Variants in CFDP1 observed in about 807,000 individuals in gnomAD.
CFDP1 encodes the protein heterochromatin-stabilizing protein CFDP1.
A neutral mutation model predicts 40.1 loss-of-function variants in CFDP1; 31 were observed. The observed-to-expected ratio is 0.77, with a 90% CI of 0.58 to 1.04. The LOEUF is 1.04. CFDP1 is among the 50% of genes least tolerant of loss of function. The pLI is 0.00. For synonymous variants in CFDP1, 167 were observed against 120.0 expected (o/e 1.39, Z -2.56); for missense variants, 423 against 343.4 (o/e 1.23, Z -1.83).
chr16:75,351,777 G>T (rs1304082295), intron 5 of CFDP1, among the ~76,000 whole-genome samples: 1 of 152,080 alleles, frequency 6.6e-6, no homozygotes, highest in Non-Finnish European at 1.5e-5. Context: ...GGAGGCTGAG[G>T]GAGGTGGATC....
chr16:75,345,006 C>T (rs989056414), intron 5 of CFDP1, among the ~76,000 whole-genome samples: 7 of 152,026 alleles, frequency 4.6e-5, no homozygotes, highest in Admixed American at 4.6e-4. Context: ...TCTGTAATCA[C>T]AGCACCTTGA....
At chr16:75,341,904 G>T (rs945087903) in intron 5 of CFDP1, among the ~76,000 whole-genome samples, 2 of 152,142 alleles carry the variant, frequency 1.3e-5, no homozygotes, top group African/African-American at 2.4e-5. Context: ...TAGGTCTTTC[G>T]ACTCTGTTCT....
intron 5 of CFDP1, among the ~76,000 whole-genome samples, chr16:75,314,757 T>C (rs1486242638): frequency 2.0e-5 from 3 of 152,198 alleles, no homozygotes; most frequent in East Asian, 3.8e-4. Flanking sequence ...TTTTATTTTA[T>C]AAATTTATTT....
intron 5 of CFDP1, among the ~76,000 whole-genome samples, chr16:75,328,786 C>A (rs1193963400): frequency 6.6e-6 from 1 of 150,578 alleles, no homozygotes; most frequent in Non-Finnish European, 1.5e-5. Context: ...TCAAGCAATT[C>A]TCCTGCCTCA....
intron 5 of CFDP1, among the ~76,000 whole-genome samples, chr16:75,378,782 G>A (rs1305596848): frequency 6.6e-6 from 1 of 152,064 alleles, no homozygotes; most frequent in African/African-American, 2.4e-5. Flanking sequence ...AAGATATTGG[G>A]GTAAAAACAA....
intron 5 of CFDP1, among the ~76,000 whole-genome samples, chr16:75,352,417 A>G (rs1385567999): frequency 6.6e-6 from 1 of 152,152 alleles, no homozygotes; most frequent in Non-Finnish European, 1.5e-5. Context: ...ATCTTCCTAT[A>G]TGAATTGGGA....
chr16:75,399,984 C>T (rs959123951), intron 4 of CFDP1, among the ~76,000 whole-genome samples: 2 of 151,548 alleles, frequency 1.3e-5, no homozygotes, highest in Admixed American at 6.6e-5. Context: ...GCCTGTAATC[C>T]CAGCTGCTTG....
chr16:75,326,756 A>G (rs1395482814), intron 5 of CFDP1, among the ~76,000 whole-genome samples: 1 of 152,222 alleles, frequency 6.6e-6, no homozygotes, highest in Non-Finnish European at 1.5e-5. Context: ...AAGACATCCA[A>G]ATGGCTTCAG....
At chr16:75,420,445 T>A (rs2151594910) in intron 1 of CFDP1, among the ~76,000 whole-genome samples, 1 of 152,324 alleles carries the variant, frequency 6.6e-6, no homozygotes, top group Admixed American at 6.5e-5. Flanking sequence ...CATGAGGGAA[T>A]AACCAGACAA....
At chr16:75,351,663 A>T (rs1303327886) in intron 5 of CFDP1, among the ~76,000 whole-genome samples, 2 of 152,206 alleles carry the variant, frequency 1.3e-5, no homozygotes, top group African/African-American at 4.8e-5. Flanking sequence ...TTTGAAAATG[A>T]AAGGGAAAAT....
At chr16:75,359,813 C>A (rs532487480) in intron 5 of CFDP1, among the ~76,000 whole-genome samples, 1 of 152,158 alleles carries the variant, frequency 6.6e-6, no homozygotes, top group African/African-American at 2.4e-5. Context: ...TGACCAAACC[C>A]AATTTATCTG....
intron 5 of CFDP1, among the ~76,000 whole-genome samples, chr16:75,368,420 A>C (rs924473612): frequency 6.6e-6 from 1 of 152,192 alleles, no homozygotes; most frequent in Non-Finnish European, 1.5e-5. Context: ...AAAATGGGAC[A>C]TGTGTTAAGT....
chr16:75,421,276 C>T (rs1409577457), intron 1 of CFDP1, among the ~76,000 whole-genome samples: 1 of 152,146 alleles, frequency 6.6e-6, no homozygotes, highest in African/African-American at 2.4e-5. Flanking sequence ...CCCAATAAAA[C>T]CCTGATTTAC....
At chr16:75,418,947 C>CT in intron 1 of CFDP1, 1 of 203,880 alleles carries the variant, frequency 4.9e-6, no homozygotes, top group Non-Finnish European at 1.1e-5. Context: ...CGAGACCAGC[C>CT]TGGGCAACAG....
At chr16:75,357,985 T>G (rs117181050) in intron 5 of CFDP1, among the ~76,000 whole-genome samples, 1 of 152,212 alleles carries the variant, frequency 6.6e-6, no homozygotes, top group South Asian at 2.1e-4. Flanking sequence ...TAGAGGTCAC[T>G]GTAGGGTTAC....
At chr16:75,398,547 G>C (rs1477512185) in intron 4 of CFDP1, among the ~76,000 whole-genome samples, 1 of 152,128 alleles carries the variant, frequency 6.6e-6, no homozygotes, top group Non-Finnish European at 1.5e-5. Context: ...GCTTCCACCT[G>C]GCATGCTCTG....
At chr16:75,394,670 T>TTTTC (rs2151563895) in intron 5 of CFDP1, 1 of 145,972 alleles carries the variant, frequency 6.9e-6, no homozygotes, top group East Asian at 2.0e-4. Flanking sequence ...TTTTTTTTTT[T>TTTTC]TTTTTTTTTT....
At chr16:75,353,665 C>T (rs1469796861) in intron 5 of CFDP1, among the ~76,000 whole-genome samples, 1 of 137,462 alleles carries the variant, frequency 7.3e-6, no homozygotes, top group Non-Finnish European at 1.5e-5. Context: ...AGGAGAATGG[C>T]ATGAACCCGG....
At chr16:75,328,403 G>A (rs910153713) in intron 5 of CFDP1, among the ~76,000 whole-genome samples, 3 of 149,266 alleles carry the variant, frequency 2.0e-5, no homozygotes, top group Non-Finnish European at 4.5e-5. Context: ...TGGCCAACAT[G>A]GTGAAACCCC....
Sources: gnomAD v4.1 joint callset for allele counts (sites outside exome capture counted in the v4.1 genomes callset) on GRCh38, gnomAD v4.1.1 for gene constraint, MANE v1.5 for transcripts, NCBI Gene and HGNC (gene_info 2026-07-23, HGNC 2026-07-21) for gene names.